PDE6B: variants seen among roughly 807,000 people sequenced by gnomAD.
PDE6B encodes the protein phosphodiesterase 6B.
A neutral mutation model predicts 109.0 loss-of-function variants in PDE6B; 106 were observed. That is an observed-to-expected ratio of 0.97 (90% CI 0.83 to 1.14). The LOEUF is 1.14. Among genes scored for constraint, PDE6B ranks in the 50% most tolerant of loss-of-function variants. The probability of loss-of-function intolerance (pLI) is 0.00; values close to 1 mark genes in which losing one functional copy is unlikely to be tolerated. For synonymous variants in PDE6B, 490 were observed against 471.3 expected (o/e 1.04, Z -0.51); for missense variants, 1,193 against 1,155.6 (o/e 1.03, Z -0.47).
chr4:639,640 C>A (rs1420204344), intron 3 of PDE6B, among the ~76,000 whole-genome samples: 1 of 152,168 alleles, frequency 6.6e-6, no homozygotes, highest in East Asian at 1.9e-4. Flanking sequence ...GTGACTAAGC[C>A]CTGCTTCTGG....
chr4:643,457 A>AT (rs1245554070), intron 3 of PDE6B, among the ~76,000 whole-genome samples: 1 of 151,998 alleles, frequency 6.6e-6, no homozygotes, highest in Non-Finnish European at 1.5e-5. Context: ...CTCTGCTTCT[A>AT]TTTTTTGGAA....
At chr4:656,611 G>C (rs550973353) in intron 8 of PDE6B, among the ~76,000 whole-genome samples, 1 of 152,088 alleles carries the variant, frequency 6.6e-6, no homozygotes, top group African/African-American at 2.4e-5. Flanking sequence ...CGTGACCGCC[G>C]CCCCACACAC....
intron 12 of PDE6B, among the ~76,000 whole-genome samples, chr4:660,849 T>TA (rs1358993656): frequency 6.6e-6 from 1 of 151,794 alleles, no homozygotes; most frequent in Non-Finnish European, 1.5e-5. Context: ...GATTGATGGA[T>TA]GGCTGGATGG....
chr4:635,191 G>GCCTC (rs1734599683), intron 2 of PDE6B, among the ~76,000 whole-genome samples: 1 of 115,032 alleles, frequency 8.7e-6, no homozygotes, highest in Non-Finnish European at 1.8e-5. Flanking sequence ...CTCCTTACCT[G>GCCTC]CCTGCCCGCC....
At chr4:650,969 C>T (rs898253924) in intron 3 of PDE6B, among the ~76,000 whole-genome samples, 1 of 152,312 alleles carries the variant, frequency 6.6e-6, no homozygotes, top group Middle Eastern at 3.4e-3. Flanking sequence ...GGTGGGGCTG[C>T]TGGGCTGGGA....
chr4:665,152 G>C lies in PDE6B; in HGVS notation c.2194-103G>C. ...GCCCTGTGTGGTGGGGACCCCGGGG[G>C]TCTGGGGCGGAGAAGACCGAGGCTC... On this transcript the variant is annotated intron_variant, in intron 18 of 21. Transcript: ENST00000496514. The surrounding 1 kb of genome is among the most constrained non-coding windows in gnomAD (Gnocchi z 4.0). The C allele has an allele frequency of 2.1e-6, 2 of 937,034 alleles. No homozygotes were observed. The highest frequency in any genetic ancestry group is 3.5e-6 in the Non-Finnish European group (2 of 576,790). 58.0% of individuals were successfully genotyped at this position (937,034 alleles called of 1,614,324 possible).
chr4:645,250 G>A (rs573906920), intron 3 of PDE6B, among the ~76,000 whole-genome samples: 7 of 150,196 alleles, frequency 4.7e-5, no homozygotes, highest in South Asian at 2.1e-4. Context: ...CTTTTTATCC[G>A]CTCTGAAAAT....
chr4:628,788 C>T (rs923624976), intron 1 of PDE6B, among the ~76,000 whole-genome samples: 11 of 152,212 alleles, frequency 7.2e-5, no homozygotes, highest in South Asian at 2.1e-4. Context: ...TGCCAGGCCA[C>T]GTGGGACCAG....
Position 657,002 on chromosome 4 carries a change from A to G in PDE6B, c.1236A>G (p.Glu412=), listed in dbSNP as rs748881399. ...YNRKDGKPFD[E]QDEVLMESLT... ...GGAAAGACGGGAAGCCCTTTGACGA[A>G]CAGGACGAGGTTCTCATGGAGGTAA... is the stretch of plus-strand genomic sequence containing the variant. Residue 412 remains glutamate (E), a synonymous_variant, in exon 9 of 22, where the codon GAA becomes GAG. Coordinates refer to ENST00000496514, the MANE Select transcript of PDE6B (RefSeq NM_000283.4). 5.6e-6 allele frequency: 9 copies of G among 1,613,134 alleles called. No homozygotes were observed. The South Asian group carries it at 8.8e-5, about 16-fold the overall frequency.
intron 11 of PDE6B, 99 bp from the exon 12 acceptor site, chr4:660,368 T>G: frequency 8.5e-7 from 1 of 1,182,904 alleles, no homozygotes; most frequent in Non-Finnish European, 1.3e-6. Flanking sequence ...ATGCCTGAGG[T>G]GTCTGAGGCT....
Position 656,005 on chromosome 4 carries a change from T to G in PDE6B, c.1058T>G (p.Phe353Cys), listed in dbSNP as rs1553809864. 6.3e-7 allele frequency: 1 copy of G among 1,589,784 alleles called. No individual in the cohort carries two copies. The highest frequency in any genetic ancestry group is 1.1e-5 in the South Asian group (1 of 90,618). ...CCAAGCTACGTGGCAGAAAGCGGCT[T>G]TGTGAGTCCCGTGCTGTCTGGAGTC... ...GLPSYVAESG[F>C]ICNIMNASAD... The change falls in exon 7 of 22, where the codon TTT (phenylalanine) becomes TGT (cysteine). Residue 353 changes from phenylalanine to cysteine, a missense_variant and splice_region_variant. Physicochemically the swap from Phe to Cys is radical, Grantham distance 205 (BLOSUM62 -2). Coordinates refer to ENST00000496514, the MANE Select transcript of PDE6B (RefSeq NM_000283.4).
intron 1 of PDE6B, among the ~76,000 whole-genome samples, chr4:627,006 G>A (rs1734140195): frequency 6.6e-6 from 1 of 152,196 alleles, no homozygotes; most frequent in Non-Finnish European, 1.5e-5. Flanking sequence ...CACAGCTAAG[G>A]AGGCTGCAAG....
intron 3 of PDE6B, among the ~76,000 whole-genome samples, chr4:647,292 C>A (rs1735252135): frequency 6.6e-6 from 1 of 151,940 alleles, no homozygotes. Context: ...TAATTTTTGG[C>A]CAAAGCAGGG....
In PDE6B at chr4:662,668, C is replaced by T. The variant is rs763033267; in HGVS notation, c.1832+50C>T. ...GAATTAGCCCTAAATCAACTCCACG[C>T]CCTTGGCGTGAATTAGGCTTCGCAT... On this transcript the variant is annotated intron_variant, in intron 14 of 21. Coordinates refer to ENST00000496514, the MANE Select transcript of PDE6B (RefSeq NM_000283.4). The surrounding 1 kb of genome is among the most constrained non-coding windows in gnomAD (Gnocchi z 4.3). The T allele has an allele frequency of 4.3e-6, 5 of 1,172,812 alleles. No homozygotes were observed. The highest frequency in any genetic ancestry group is 1.5e-5 in the African/African-American group (1 of 66,648). 72.7% of individuals were successfully genotyped at this position (1,172,812 alleles called of 1,614,324 possible).
chr4:635,861 G>C lies in PDE6B; in HGVS notation c.622-19G>C. 1 of 1,305,334 alleles carries C rather than the reference G, an allele frequency of 7.7e-7. No homozygotes were observed. Among genetic ancestry groups the C allele is most frequent in the Non-Finnish European group, 1.1e-6 (1 of 898,046 alleles). 80.9% of individuals were successfully genotyped at this position (1,305,334 alleles called of 1,614,324 possible). On this transcript the variant is annotated intron_variant, in intron 2 of 21. Coordinates refer to ENST00000496514, the MANE Select transcript of PDE6B (RefSeq NM_000283.4). The stretch of plus-strand genomic sequence containing the variant: ...GAAAACTGGAATTTTAATTCCTCTT[G>C]TTGCAATTCCTGTTTCAGGTGTTCT...
At position 626,345 on chromosome 4, in the gene PDE6B, G is replaced by C. The variant is rs1042697512; in HGVS notation, c.468+251G>C. Among the ~76,000 whole-genome samples the C allele has an allele frequency of 6.6e-6, 1 of 152,214 alleles. No homozygotes were observed. The highest frequency in any genetic ancestry group is 1.5e-5 in the Non-Finnish European group (1 of 68,040). The stretch of plus-strand genomic sequence containing the variant: ...CTGAGTTGGTTAGACCTGAGTCTAG[G>C]AGCCTCGGCTGAAGCAGACTCAGGC... On this transcript the variant is annotated intron_variant, in intron 1 of 21. Transcript: ENST00000496514. The surrounding 1 kb of genome is among the most constrained non-coding windows in gnomAD (Gnocchi z 4.6).
At position 662,474 on chromosome 4, in the gene PDE6B, C is replaced by G. The variant is rs768923222; in HGVS notation, c.1723-35C>G. Reference sequence around the variant, plus strand: ...TCACCACTCCCCACCCTGCTGGAGCCAGGACCGGTGAGCAAGGTGGCCCTG... The same window carrying G: ...TCACCACTCCCCACCCTGCTGGAGCGAGGACCGGTGAGCAAGGTGGCCCTG... On this transcript the variant is annotated intron_variant, in intron 13 of 21. Coordinates refer to ENST00000496514, the MANE Select transcript of PDE6B (RefSeq NM_000283.4). The surrounding 1 kb of genome is among the most constrained non-coding windows in gnomAD (Gnocchi z 4.3). 9.8e-6 allele frequency: 14 copies of G among 1,427,598 alleles called. No homozygotes were observed. The highest frequency in any genetic ancestry group is 1.4e-5 in the Non-Finnish European group (14 of 1,010,574). 88.4% of individuals were successfully genotyped at this position (1,427,598 alleles called of 1,614,324 possible). A position where few individuals can be genotyped will look rare whatever the true frequency, so the allele number is the denominator to read the frequency against.
chr4:660,055 G>A (rs11734693), intron 11 of PDE6B, among the ~76,000 whole-genome samples: 1,844 of 152,286 alleles, frequency 0.012, 24 homozygotes, highest in South Asian at 0.056. Context: ...GTCTGTGGGT[G>A]TGCCTGGGTG....
Position 656,885 on chromosome 4 carries a change from G to A in PDE6B, c.1119G>A (p.Leu373=). The A allele has an allele frequency of 6.2e-7, 1 of 1,612,842 alleles. No individual in the cohort carries two copies. The highest frequency in any genetic ancestry group is 8.5e-7 in the Non-Finnish European group (1 of 1,179,960). Residue 373 remains leucine, a synonymous_variant, in exon 9 of 22, where the codon CTG becomes CTA. Transcript: ENST00000496514. ...CACCGCTCCCGCAGGAAGGGGCCCTGGACGACTCCGGGTGGCTCATCAAGA... is the reference window on the plus strand; with the variant it reads ...CACCGCTCCCGCAGGAAGGGGCCCTAGACGACTCCGGGTGGCTCATCAAGA... The part of the protein sequence containing the change: ...DEMFKFQEGA[L]DDSGWLIKNV...
Sources: allele counts gnomAD v4.1 joint callset (sites outside exome capture counted in the v4.1 genomes callset), GRCh38; gene constraint gnomAD v4.1.1; non-coding constraint Gnocchi (gnomAD v3.1); transcripts MANE v1.5; gene names NCBI Gene and HGNC (gene_info 2026-07-23, HGNC 2026-07-21).